The following PLD5 variants were observed in gnomAD, a reference collection of about 807,000 sequenced individuals.
The protein encoded by PLD5 is inactive phospholipase D5.
PLD5 carries 36 observed loss-of-function variants against 61.1 expected under a neutral mutation model. That is an observed-to-expected ratio of 0.59 (90% CI 0.45 to 0.78). PLD5 has a LOEUF of 0.78. PLD5 is among the 30% of genes least tolerant of loss of function. The pLI is 0.00. For synonymous variants in PLD5, 243 were observed against 242.8 expected (o/e 1.00, Z -0.01); for missense variants, 515 against 644.4 (o/e 0.80, Z 2.17).
chr1:242,289,453 G>C (rs1276822488), intron 2 of PLD5, among the ~76,000 whole-genome samples: 4 of 152,106 alleles, frequency 2.6e-5, no homozygotes, highest in African/African-American at 4.8e-5. Flanking sequence ...GGTTCAAGCA[G>C]TTCTCCTGCC....
chr1:242,488,101 C>T (rs1441499535), intron 1 of PLD5, among the ~76,000 whole-genome samples: 1 of 152,094 alleles, frequency 6.6e-6, no homozygotes, highest in Non-Finnish European at 1.5e-5. Context: ...GCAACAGGAA[C>T]TCTCATTAAT....
chr1:242,275,312 A>G (rs1011247139), intron 3 of PLD5, among the ~76,000 whole-genome samples: 5 of 151,960 alleles, frequency 3.3e-5, no homozygotes, highest in Non-Finnish European at 7.4e-5. Flanking sequence ...GGCTTAATTC[A>G]TTAGTTTAAT....
intron 9 of PLD5, among the ~76,000 whole-genome samples, chr1:242,098,797 A>G (rs1207033513): frequency 6.6e-6 from 1 of 152,178 alleles, no homozygotes; most frequent in African/African-American, 2.4e-5. Context: ...CTGAGCTGCA[A>G]GTCTGTTGGA....
intron 9 of PLD5, among the ~76,000 whole-genome samples, chr1:242,094,396 CTGTT>C (rs1447225080): frequency 1.3e-5 from 2 of 152,130 alleles, no homozygotes; most frequent in African/African-American, 4.8e-5. Context: ...AGAGATGACA[CTGTT>C]TGGGGATTCT....
chr1:242,490,291 A>G (rs576535515), intron 1 of PLD5, among the ~76,000 whole-genome samples: 1 of 152,314 alleles, frequency 6.6e-6, no homozygotes, highest in Admixed American at 6.5e-5. Flanking sequence ...TTTGTAATAA[A>G]CCCAGAAATT....
At chr1:242,268,675 G>T (rs1444796809) in intron 3 of PLD5, among the ~76,000 whole-genome samples, 8 of 152,074 alleles carry the variant, frequency 5.3e-5, no homozygotes, top group Non-Finnish European at 1.2e-4. Flanking sequence ...CCATACTTAG[G>T]CTTGAGGTAG....
chr1:242,218,232 G>T (rs896351607), intron 5 of PLD5, among the ~76,000 whole-genome samples: 2 of 152,178 alleles, frequency 1.3e-5, no homozygotes, highest in East Asian at 3.9e-4. Context: ...ATCTGCATCT[G>T]AAGGCTCAGA....
intron 2 of PLD5, among the ~76,000 whole-genome samples, chr1:242,339,102 G>T (rs1433145279): frequency 1.3e-5 from 2 of 151,772 alleles, no homozygotes; most frequent in Non-Finnish European, 2.9e-5. Flanking sequence ...TTGATCTAAG[G>T]CATATTCTAC....
At chr1:242,525,627 G>A (rs1572293144), upstream of PLD5, among the ~76,000 whole-genome samples, 3 of 152,180 alleles carry the variant, frequency 2.0e-5, no homozygotes, top group East Asian at 3.8e-4. Flanking sequence ...GGTGTCTCGT[G>A]TCTGGTTAAA....
chr1:242,234,130 GA>G (rs202050435), intron 4 of PLD5, among the ~76,000 whole-genome samples: 8 of 151,120 alleles, frequency 5.3e-5, no homozygotes, highest in Middle Eastern at 3.5e-3. Flanking sequence ...TCTTCTTCCA[GA>G]AAAAAAAATT....
At chr1:242,160,816 T>C (rs977145830) in intron 5 of PLD5, among the ~76,000 whole-genome samples, 1 of 152,022 alleles carries the variant, frequency 6.6e-6, no homozygotes, top group Admixed American at 6.6e-5. Context: ...ATCCGGGAGA[T>C]GGAGGTTGCA....
chr1:242,244,225 C>T (rs942292007), intron 4 of PLD5, among the ~76,000 whole-genome samples: 4 of 152,150 alleles, frequency 2.6e-5, no homozygotes, highest in African/African-American at 9.7e-5. Context: ...TTTGCCTCCA[C>T]CTAACCTGCA....
intron 8 of PLD5, among the ~76,000 whole-genome samples, chr1:242,105,339 T>A (rs1660967852): frequency 6.6e-6 from 1 of 152,004 alleles, no homozygotes; most frequent in Non-Finnish European, 1.5e-5. Flanking sequence ...TGCTTGTGCC[T>A]CAGCCTCCCA....
intron 2 of PLD5, among the ~76,000 whole-genome samples, chr1:242,304,197 A>T (rs1676217796): frequency 6.6e-6 from 1 of 152,212 alleles, no homozygotes; most frequent in Admixed American, 6.5e-5. Context: ...CAGAACCAAA[A>T]AATGATGTTC....
Position 242,406,449 on chromosome 1 carries a change from A to G in PLD5, c.190-58207T>C, listed in dbSNP as rs1302266584. Reference sequence around the variant, plus strand: ...AACAATCAACACTTCTCAAAGGCTAATGAAAAATTTACTTCCTATATACAA... The same window carrying G: ...AACAATCAACACTTCTCAAAGGCTAGTGAAAAATTTACTTCCTATATACAA... On this transcript the variant is annotated intron_variant, in intron 1 of 9. Transcript: ENST00000536534. 2.6e-5 allele frequency among the ~76,000 whole-genome samples: 4 copies of G among 152,358 alleles called. No individual in the cohort carries two copies. In the South Asian group the frequency reaches 8.3e-4, roughly 32 times the overall value.
chr1:242,507,920 T>A (rs1668777834), intron 1 of PLD5, among the ~76,000 whole-genome samples: 1 of 152,232 alleles, frequency 6.6e-6, no homozygotes, highest in African/African-American at 2.4e-5. Context: ...GTTGTAGGAC[T>A]TATTATTCTC....
intron 5 of PLD5, among the ~76,000 whole-genome samples, chr1:242,218,889 A>G (rs1670386433): frequency 6.6e-6 from 1 of 152,214 alleles, no homozygotes. Context: ...GTGAAAATGG[A>G]ATGAGGTTAT....
At chr1:242,447,198 C>A (rs1313349638) in intron 1 of PLD5, among the ~76,000 whole-genome samples, 1 of 152,198 alleles carries the variant, frequency 6.6e-6, no homozygotes, top group Non-Finnish European at 1.5e-5. Flanking sequence ...ATTTGCATTT[C>A]CTTTAAATTT....
chr1:242,379,667 A>G (rs1246403171), intron 1 of PLD5, among the ~76,000 whole-genome samples: 1 of 152,132 alleles, frequency 6.6e-6, no homozygotes, highest in African/African-American at 2.4e-5. Flanking sequence ...AAACAGAAAC[A>G]CATGCAGTTT....
Sources: allele counts gnomAD v4.1 joint callset (sites outside exome capture counted in the v4.1 genomes callset), GRCh38; gene constraint gnomAD v4.1.1; transcripts MANE v1.5; gene names NCBI Gene and HGNC (gene_info 2026-07-23, HGNC 2026-07-21).